The following OPA1 variants were observed in gnomAD, a reference collection of about 807,000 sequenced individuals.
OPA1 encodes OPA1 mitochondrial dynamin like GTPase.
In OPA1, 59 loss-of-function variants were observed where a neutral mutation model predicts 152.9. The observed-to-expected ratio is 0.39, with a 90% CI of 0.31 to 0.48. The LOEUF is 0.48. Ranked by LOEUF, OPA1 falls within the 20% of genes least tolerant of loss-of-function variation. The pLI, the probability that OPA1 is intolerant of heterozygous loss-of-function variation, is 0.96. For missense variants in OPA1, 1,008 were observed against 1,216.8 expected (o/e 0.83, Z 2.55); for synonymous variants, 400 against 389.9 (o/e 1.03, Z -0.31).
chr3:193,664,512 T>C (rs1452831045), intron 26 of OPA1, among the ~76,000 whole-genome samples: 1 of 152,026 alleles, frequency 6.6e-6, no homozygotes. Flanking sequence ...TCTTAAGTTC[T>C]AACTCTGTTT....
At chr3:193,674,633 A>G (rs1472055162) in intron 29 of OPA1, among the ~76,000 whole-genome samples, 1 of 152,248 alleles carries the variant, frequency 6.6e-6, no homozygotes, top group African/African-American at 2.4e-5. Flanking sequence ...GAACATAGCT[A>G]AATAGAACCC....
In OPA1 at chr3:193,682,250, A is replaced by G. The variant is rs527331408; in HGVS notation, c.2984-9813A>G. Reference sequence around the variant, plus strand: ...CAGAGCAAGTTCCTAACTCTATTCAATTCTCCGAAAGCTGAGAGGTGAGGA... The same window carrying G: ...CAGAGCAAGTTCCTAACTCTATTCAGTTCTCCGAAAGCTGAGAGGTGAGGA... On this transcript the variant is annotated intron_variant, in intron 29 of 30. Transcript: ENST00000361510. 2.3e-4 allele frequency among the ~76,000 whole-genome samples: 35 copies of G among 152,322 alleles called. No individual in the cohort carries two copies. The South Asian group carries it at 6.6e-3, about 29-fold the overall frequency.
rs759897040 is a variant in OPA1 at position 193,626,117 on chromosome 3, TACA to T, written c.712_714del (p.Gln238del). 4.3e-6 allele frequency: 7 copies of T among 1,614,040 alleles called. No individual in the cohort carries two copies. The East Asian group carries it at 1.3e-4, about 31-fold the overall frequency. On this transcript the variant is annotated inframe_deletion, in exon 7 of 31. Transcript: ENST00000361510. ...GGTCTGCTTGGTGAGCTCATTCTCT[TACA>T]ACAACAAATTCAAGAGCATGAAGAG... is the stretch of plus-strand genomic sequence containing the variant.
intron 29 of OPA1, among the ~76,000 whole-genome samples, chr3:193,687,115 G>A (rs138472495): frequency 2.0e-5 from 3 of 152,274 alleles, no homozygotes; most frequent in Admixed American, 2.0e-4. Flanking sequence ...TTTAGAGCAA[G>A]TATCAGAAGA....
chr3:193,636,617 T>C (rs756165072), intron 9 of OPA1, among the ~76,000 whole-genome samples: 10 of 152,086 alleles, frequency 6.6e-5, no homozygotes, highest in Non-Finnish European at 1.0e-4. Flanking sequence ...GGCACCACAT[T>C]CATTTCTGAT....
chr3:193,603,156 G>A (rs956638392), intron 1 of OPA1, among the ~76,000 whole-genome samples: 1 of 152,210 alleles, frequency 6.6e-6, no homozygotes, highest in Non-Finnish European at 1.5e-5. Flanking sequence ...TCTGTTCCAT[G>A]ATGAGCTGTG....
In OPA1 at chr3:193,593,337, C is replaced by T; in HGVS notation, c.-41C>T. ...GCTGGGGCTCACACGGGGGCTCCCG[C>T]GTGGCCGTCTCGGCGCCTGCGTGAC... On this transcript the variant is annotated 5_prime_UTR_variant, in exon 1 of 31. Transcript: ENST00000361510. 6.5e-7 allele frequency: 1 copy of T among 1,536,594 alleles called. No homozygotes were observed. The highest frequency in any genetic ancestry group is 8.8e-7 in the Non-Finnish European group (1 of 1,139,948).
At chr3:193,675,428 A>G (rs776732587) in intron 29 of OPA1, among the ~76,000 whole-genome samples, 2 of 151,494 alleles carry the variant, frequency 1.3e-5, no homozygotes, top group African/African-American at 2.4e-5. Flanking sequence ...CATCTTTCAT[A>G]TCTCAGTACT....
At chr3:193,658,281 T>TATTCTTGTTAAATAATAAGGC (rs1714398674) in intron 23 of OPA1, among the ~76,000 whole-genome samples, 2 of 151,952 alleles carry the variant, frequency 1.3e-5, no homozygotes, top group Non-Finnish European at 2.9e-5. Flanking sequence ...AAACCATATT[T>TATTCTTGTTAAATAATAAGGC]ATTCTTGTTA....
rs180947473 is a variant in OPA1, at chr3:193,676,853, C to T, written c.2983+9573C>T. 6.3e-3 allele frequency among the ~76,000 whole-genome samples: 963 copies of T among 151,950 alleles called. 3 individuals are homozygous for T. Among genetic ancestry groups the T allele is most frequent in the African/African-American group, 0.022 (898 of 41,458 alleles). ...AAATTTAGCCAGGCGTGGTGGCGGG[C>T]GCCTGTAGTCCCAGCTGCTGGGGAG... On this transcript the variant is annotated intron_variant, in intron 29 of 30. Transcript: ENST00000361510.
At chr3:193,667,460 G>A in intron 29 of OPA1, 180 bp downstream of exon 29, 1 of 639,788 alleles carries the variant, frequency 1.6e-6, no homozygotes, top group South Asian at 1.5e-5. Flanking sequence ...AACAAGGTCA[G>A]AAGATCAAGA....
At chr3:193,596,407 T>TTTCGTTTCTTTTCTTTTCTTTTCTTTTC (rs1725587920) in intron 1 of OPA1, among the ~76,000 whole-genome samples, 1 of 101,872 alleles carries the variant, frequency 9.8e-6, no homozygotes. Flanking sequence ...TTTCTTTTCT[T>TTTCGTTTCTTTTCTTTTCTTTTCTTTTC]TTCTTTTCTT....
chr3:193,649,388 CTG>C (rs1226807402), intron 21 of OPA1, among the ~76,000 whole-genome samples: 4 of 152,096 alleles, frequency 2.6e-5, no homozygotes, highest in Admixed American at 2.6e-4. Context: ...CTAAGGCAAA[CTG>C]TTACCTTCAG....
chr3:193,667,240 A>G lies in OPA1; in HGVS notation c.2943A>G (p.Lys981=). The G allele has an allele frequency of 6.2e-7, 1 of 1,606,530 alleles. No individual in the cohort carries two copies. Among genetic ancestry groups the G allele is most frequent in the Non-Finnish European group, 8.5e-7 (1 of 1,173,032 alleles). ...DFAEDGEKKI[K]LLTGKRVQLA... ...CTGAAGATGGTGAGAAGAAGATTAAATTGCTTACTGGTAAACGCGTTCAAC... is the reference window on the plus strand; with the variant it reads ...CTGAAGATGGTGAGAAGAAGATTAAGTTGCTTACTGGTAAACGCGTTCAAC... The change falls in exon 29 of 31, where the codon AAA becomes AAG. Residue 981 remains lysine, a synonymous_variant. Coordinates refer to ENST00000361510, the MANE Select transcript of OPA1 (RefSeq NM_130837.3).
intron 1 of OPA1, among the ~76,000 whole-genome samples, chr3:193,601,036 C>T (rs1420301197): frequency 6.6e-6 from 1 of 152,252 alleles, no homozygotes; most frequent in East Asian, 1.9e-4. Flanking sequence ...AGATCTAAGA[C>T]TGCATGATCT....
intron 1 of OPA1, chr3:193,603,558 G>A (rs1433943884): frequency 6.6e-6 from 1 of 152,214 alleles, no homozygotes; most frequent in South Asian, 2.1e-4. Flanking sequence ...CCCACTAGAG[G>A]TGAGAAACCT....
chr3:193,676,981 A>G (rs1434654375), intron 29 of OPA1, among the ~76,000 whole-genome samples: 22 of 45,150 alleles, frequency 4.9e-4, no homozygotes, highest in Non-Finnish European at 8.3e-4. Context: ...ACTCGTCTCA[A>G]AAAAAAAAAA....
At chr3:193,637,087 A>G in intron 9 of OPA1, 108 bp from the exon 10 acceptor site, 2 of 618,454 alleles carry the variant, frequency 3.2e-6, no homozygotes, top group Non-Finnish European at 5.6e-6. Context: ...CAGTACAATG[A>G]TTATGGAAAA....
intron 1 of OPA1, chr3:193,613,938 A>C (rs2108860400): frequency 1.9e-6 from 1 of 518,934 alleles, no homozygotes; most frequent in South Asian, 1.4e-5. Context: ...TTAACTACTT[A>C]GAATCAGACT....
Sources: gnomAD v4.1 joint callset for allele counts (sites outside exome capture counted in the v4.1 genomes callset) on GRCh38, gnomAD v4.1.1 for gene constraint, MANE v1.5 for transcripts, NCBI Gene and HGNC (gene_info 2026-07-23, HGNC 2026-07-21) for gene names.